PLCG2: variants seen among roughly 807,000 people sequenced by gnomAD.
The protein encoded by PLCG2 is phospholipase C gamma 2, also known as 1-phosphatidylinositol 4,5-bisphosphate phosphodiesterase gamma-2.
In PLCG2, 69 loss-of-function variants were observed where a neutral mutation model predicts 175.6. The observed-to-expected ratio is 0.39, with a 90% confidence interval of 0.32 to 0.48. The LOEUF is 0.48. Ranked by LOEUF, PLCG2 falls within the 20% of genes least tolerant of loss-of-function variation. The probability of loss-of-function intolerance (pLI) is 0.91; values close to 1 mark genes in which losing one functional copy is unlikely to be tolerated. For synonymous variants in PLCG2, 827 were observed against 624.0 expected, an observed-to-expected ratio of 1.33 and a Z score of -4.85; for missense variants, 1,798 against 1,650.9, an observed-to-expected ratio of 1.09 and a Z score of -1.54.
Position 81,805,376 on chromosome 16 carries a change from A to G in PLCG2, c.193+19194A>G, listed in dbSNP as rs1181063474. 2.8e-4 allele frequency among the ~76,000 whole-genome samples: 43 copies of G among 151,720 alleles called. 1 individual carries two copies. Among genetic ancestry groups the G allele is most frequent in the Admixed American group, 2.8e-3 (43 of 15,220 alleles). On this transcript the variant is annotated intron_variant, in intron 2 of 32. Coordinates refer to ENST00000564138, the MANE Select transcript of PLCG2 (RefSeq NM_002661.5). ...TAGCCGGGTGTGGTGTCGGGTGCCT[A>G]TAGTCCCAGCTACTCAGGAGGCTGA...
In PLCG2 at chr16:81,873,791, A is replaced by T. The variant is rs186008940; in HGVS notation, c.648+2856A>T. Among the ~76,000 whole-genome samples the T allele has an allele frequency of 8.8e-3, 1,341 of 152,280 alleles. 11 individuals carry two copies. Among genetic ancestry groups the T allele is most frequent in the Middle Eastern group, 0.041 (12 of 294 alleles). ...TTATTAAATAATATTAAAAATTAAAAAAAGAAGATTTGCACAAAAGCTGTT... is the reference window on the plus strand; with the variant it reads ...TTATTAAATAATATTAAAAATTAAATAAAGAAGATTTGCACAAAAGCTGTT... On this transcript the variant is annotated intron_variant, in intron 7 of 32. Transcript: ENST00000564138.
intron 7 of PLCG2, among the ~76,000 whole-genome samples, chr16:81,872,599 G>T (rs969357896): frequency 6.6e-6 from 1 of 152,232 alleles, no homozygotes; most frequent in Non-Finnish European, 1.5e-5. Context: ...GATGCACCTA[G>T]CACAGTACCT....
intron 2 of PLCG2, among the ~76,000 whole-genome samples, chr16:81,833,500 T>G (rs1197393170): frequency 1.5e-5 from 2 of 137,900 alleles, no homozygotes; most frequent in South Asian, 2.2e-4. Context: ...CTCCTGCCTG[T>G]TTTTTTTTTT....
chr16:81,807,264 A>G (rs1904285495), intron 2 of PLCG2, among the ~76,000 whole-genome samples: 1 of 152,148 alleles, frequency 6.6e-6, no homozygotes, highest in African/African-American at 2.4e-5. Flanking sequence ...CTGGGACCCA[A>G]GAAAGGGCAG....
chr16:81,942,174 G>C (rs1293700312), intron 30 of PLCG2, among the ~76,000 whole-genome samples: 1 of 152,090 alleles, frequency 6.6e-6, no homozygotes, highest in African/African-American at 2.4e-5. Flanking sequence ...TGGTTACCCC[G>C]ACGTCCTCTT....
intron 19 of PLCG2, among the ~76,000 whole-genome samples, chr16:81,914,261 G>T (rs541128585): frequency 6.6e-6 from 1 of 152,240 alleles, no homozygotes; most frequent in African/African-American, 2.4e-5. Context: ...CCGGATCGGG[G>T]CCTCACCTGA....
At chr16:81,952,129 T>C (rs1010746923) in intron 31 of PLCG2, among the ~76,000 whole-genome samples, 2 of 151,984 alleles carry the variant, frequency 1.3e-5, no homozygotes, top group African/African-American at 4.8e-5. Context: ...ACAGAACTTA[T>C]ATAAGAAAAA....
intron 1 of PLCG2, among the ~76,000 whole-genome samples, chr16:81,753,318 A>G (rs1475431568): frequency 6.9e-6 from 1 of 144,868 alleles, no homozygotes; most frequent in Non-Finnish European, 1.5e-5. Context: ...TGCCAAGTTC[A>G]GCATTGTGTT....
rs368463830 is a variant in PLCG2, at chr16:81,931,106, GT to G, written c.2582-382del. On this transcript the variant is annotated intron_variant, in intron 24 of 32. Coordinates refer to ENST00000564138, the MANE Select transcript of PLCG2 (RefSeq NM_002661.5). ...GGTTCTCTCATGCATTTTAATGTTT[GT>G]TTTTTTTTCCTGCATCTTAAGTGTC... Among the ~76,000 whole-genome samples the G allele has an allele frequency of 4.7e-3, 706 of 151,034 alleles. 8 individuals are homozygous for G. The highest frequency in any genetic ancestry group is 0.016 in the African/African-American group (667 of 41,146).
At chr16:81,921,081 T>G in intron 20 of PLCG2, 117 bp from the exon 21 acceptor site, 1 of 627,640 alleles carries the variant, frequency 1.6e-6, no homozygotes, top group Middle Eastern at 2.6e-4. Flanking sequence ...TTCTATGAGG[T>G]TTCAACTCCT....
At chr16:81,867,864 AT>A (rs904088536) in intron 5 of PLCG2, among the ~76,000 whole-genome samples, 1 of 151,586 alleles carries the variant, frequency 6.6e-6, no homozygotes, top group Non-Finnish European at 1.5e-5. Context: ...TGCCTGGCTA[AT>A]TTTTTTTGTA....
chr16:81,939,743 TA>T, intron 29 of PLCG2, 148 bp from the exon 30 acceptor site: 1 of 589,168 alleles, frequency 1.7e-6, no homozygotes, highest in Non-Finnish European at 3.0e-6. Context: ...GGAGTGAAGA[TA>T]ATTATTCAGA....
At chr16:81,926,965 T>G (rs1030163856) in intron 22 of PLCG2, 117 bp from the exon 23 acceptor site, 2 of 700,346 alleles carry the variant, frequency 2.9e-6, no homozygotes, top group African/African-American at 3.5e-5. Context: ...ACTGGTCACT[T>G]GGCCACTTGC....
intron 5 of PLCG2, among the ~76,000 whole-genome samples, chr16:81,864,154 T>C (rs763895023): frequency 7.9e-4 from 120 of 152,176 alleles, no homozygotes; most frequent in Non-Finnish European, 1.3e-3. Context: ...AAGTGGAGGC[T>C]GCTGGGCTCC....
chr16:81,804,529 T>C (rs1011432486), intron 2 of PLCG2, among the ~76,000 whole-genome samples: 2 of 152,256 alleles, frequency 1.3e-5, no homozygotes, highest in African/African-American at 4.8e-5. Context: ...TCAAGAATCA[T>C]ACATTTTAAC....
intron 31 of PLCG2, among the ~76,000 whole-genome samples, chr16:81,953,232 G>T (rs1345811360): frequency 1.3e-5 from 2 of 152,226 alleles, no homozygotes; most frequent in South Asian, 2.1e-4. Context: ...CGGATTGGAT[G>T]TGGGAACAGG....
intron 2 of PLCG2, among the ~76,000 whole-genome samples, chr16:81,814,529 C>G (rs1458807632): frequency 4.6e-5 from 7 of 152,032 alleles, no homozygotes; most frequent in African/African-American, 1.7e-4. Flanking sequence ...CCCATCTCTA[C>G]TAAAACAATA....
chr16:81,815,128 T>G (rs7193588), intron 2 of PLCG2, among the ~76,000 whole-genome samples: 1 of 152,222 alleles, frequency 6.6e-6, no homozygotes, highest in South Asian at 2.1e-4. Context: ...TTGGGGAATT[T>G]AGGCTTAAAA....
chr16:81,953,380 G>C (rs117130976), intron 31 of PLCG2, among the ~76,000 whole-genome samples: 36 of 152,166 alleles, frequency 2.4e-4, no homozygotes, highest in Non-Finnish European at 4.1e-4. Context: ...TAGGTGGTTG[G>C]GGTATGTGAG....
Sources: gnomAD v4.1 joint callset for allele counts (sites outside exome capture counted in the v4.1 genomes callset) on GRCh38, gnomAD v4.1.1 for gene constraint, MANE v1.5 for transcripts, NCBI Gene and HGNC (gene_info 2026-07-23, HGNC 2026-07-21) for gene names.